The following NELL1 variants were observed in gnomAD, a reference collection of about 807,000 sequenced individuals.
The protein encoded by NELL1 is neural EGFL like 1.
A neutral mutation model predicts 107.4 loss-of-function variants in NELL1; 76 were observed. The observed-to-expected ratio is 0.71, with a 90% CI of 0.59 to 0.86. The LOEUF (loss-of-function observed/expected upper bound fraction) is 0.86. Ranked by LOEUF, NELL1 falls within the 40% of genes least tolerant of loss-of-function variation. NELL1 has a pLI of 0.00. For missense variants in NELL1, 1,024 were observed against 1,005.5 expected, an observed-to-expected ratio of 1.02 and a Z score of -0.25; for synonymous variants, 353 against 341.2, an observed-to-expected ratio of 1.03 and a Z score of -0.38.
At chr11:20,924,866 AG>A (rs1279040874) in intron 7 of NELL1, among the ~76,000 whole-genome samples, 1 of 152,188 alleles carries the variant, frequency 6.6e-6, no homozygotes, top group Non-Finnish European at 1.5e-5. Flanking sequence ...CTTTCTATTG[AG>A]GTTCCACATC....
At chr11:21,491,040 A>G (rs1854793548) in intron 15 of NELL1, among the ~76,000 whole-genome samples, 1 of 152,138 alleles carries the variant, frequency 6.6e-6, no homozygotes, top group Admixed American at 6.6e-5. Context: ...ACTATTTGCA[A>G]ACTGTCTATC....
At chr11:20,993,663 A>G (rs1852026559) in intron 12 of NELL1, among the ~76,000 whole-genome samples, 1 of 152,196 alleles carries the variant, frequency 6.6e-6, no homozygotes, top group Non-Finnish European at 1.5e-5. Flanking sequence ...TGTACTTTAA[A>G]TCATCTCTAG....
At chr11:20,882,223 T>C (rs1336625959) in intron 4 of NELL1, among the ~76,000 whole-genome samples, 1 of 152,252 alleles carries the variant, frequency 6.6e-6, no homozygotes, top group African/African-American at 2.4e-5. Flanking sequence ...TTAGTTTGTG[T>C]TATCAGCATT....
intron 2 of NELL1, among the ~76,000 whole-genome samples, chr11:20,775,122 C>A (rs1856724313): frequency 6.6e-6 from 1 of 151,996 alleles, no homozygotes; most frequent in African/African-American, 2.4e-5. Context: ...TTTTTTCTTA[C>A]AATAACTCTC....
chr11:21,507,455 A>G (rs1322528710), intron 15 of NELL1, among the ~76,000 whole-genome samples: 1 of 152,180 alleles, frequency 6.6e-6, no homozygotes, highest in Admixed American at 6.5e-5. Flanking sequence ...AAATAATTTG[A>G]GTGGAAGAAA....
At chr11:20,993,113 C>G (rs761644111) in intron 12 of NELL1, among the ~76,000 whole-genome samples, 1 of 152,092 alleles carries the variant, frequency 6.6e-6, no homozygotes, top group Non-Finnish European at 1.5e-5. Context: ...CTTTGTATGC[C>G]TGGCAAACTC....
intron 12 of NELL1, among the ~76,000 whole-genome samples, chr11:21,015,274 G>A (rs777448316): frequency 6.6e-5 from 10 of 152,082 alleles, no homozygotes; most frequent in Non-Finnish European, 1.3e-4. Flanking sequence ...TGTGAATGAA[G>A]CAAGGTTGTC....
intron 2 of NELL1, among the ~76,000 whole-genome samples, chr11:20,724,137 C>A (rs1173315832): frequency 6.6e-6 from 1 of 152,230 alleles, no homozygotes; most frequent in East Asian, 1.9e-4. Context: ...CCCTCCTAGG[C>A]CTTGGGCCTG....
rs1276895097 is a variant in NELL1 at position 20,896,274 on chromosome 11, G to A, written c.603+10734G>A. Reference sequence around the variant, plus strand: ...CCTGAGTTGCTTCACTTAGAATAATGGTCTCCAGTTTCATTCAGGTTGCTG... The same window carrying A: ...CCTGAGTTGCTTCACTTAGAATAATAGTCTCCAGTTTCATTCAGGTTGCTG... On this transcript the variant is annotated intron_variant, in intron 5 of 19. Transcript: ENST00000357134. Among the ~76,000 whole-genome samples, 6 of 152,094 alleles carry A rather than the reference G, an allele frequency of 3.9e-5. No homozygotes were observed. In the East Asian group the frequency reaches 1.2e-3, roughly 29 times the overall value.
chr11:21,174,345 C>T (rs981317599), intron 13 of NELL1, among the ~76,000 whole-genome samples: 1 of 151,856 alleles, frequency 6.6e-6, no homozygotes, highest in South Asian at 2.1e-4. Flanking sequence ...AAAACTATGT[C>T]TTCTAACATT....
At chr11:21,228,842 A>T (rs1857967129) in intron 13 of NELL1, among the ~76,000 whole-genome samples, 1 of 150,016 alleles carries the variant, frequency 6.7e-6, no homozygotes, top group African/African-American at 2.5e-5. Flanking sequence ...TAGGCTGGCT[A>T]GTTCTTTGTT....
At chr11:21,047,938 A>G (rs1294946572) in intron 12 of NELL1, among the ~76,000 whole-genome samples, 2 of 152,188 alleles carry the variant, frequency 1.3e-5, no homozygotes, top group African/African-American at 4.8e-5. Flanking sequence ...CATCACGTAG[A>G]AGGTGAATGC....
At chr11:20,886,765 T>C (rs1406648021) in intron 5 of NELL1, among the ~76,000 whole-genome samples, 1 of 152,126 alleles carries the variant, frequency 6.6e-6, no homozygotes, top group African/African-American at 2.4e-5. Flanking sequence ...CAAACCAACA[T>C]GGCACATGTA....
chr11:21,243,726 G>A (rs964600108), intron 14 of NELL1, among the ~76,000 whole-genome samples: 5 of 152,116 alleles, frequency 3.3e-5, no homozygotes, highest in Admixed American at 6.6e-5. Context: ...AAAGATACTA[G>A]ACACAGGTTA....
In NELL1 at chr11:21,511,644, G is replaced by A. The variant is rs370915327; in HGVS notation, c.1646-22730G>A. ...TGGTCAAAGAAAATTTTTTCAGACTGTGGCATTTGAACTGCGAGCTAAATA... is the reference window on the plus strand; with the variant it reads ...TGGTCAAAGAAAATTTTTTCAGACTATGGCATTTGAACTGCGAGCTAAATA... On this transcript the variant is annotated intron_variant, in intron 15 of 19. Coordinates refer to ENST00000357134, the MANE Select transcript of NELL1 (RefSeq NM_006157.5). Among the ~76,000 whole-genome samples the A allele has an allele frequency of 2.6e-5, 4 of 152,310 alleles. No homozygotes were observed. In the South Asian group the frequency reaches 6.2e-4, roughly 24 times the overall value.
At chr11:21,503,393 G>C (rs539936667) in intron 15 of NELL1, among the ~76,000 whole-genome samples, 23 of 152,206 alleles carry the variant, frequency 1.5e-4, no homozygotes, top group Middle Eastern at 3.4e-3. Flanking sequence ...GACGCGCTAG[G>C]ACAAAAATCA....
At chr11:21,389,281 T>C (rs558515690) in intron 15 of NELL1, among the ~76,000 whole-genome samples, 33 of 151,988 alleles carry the variant, frequency 2.2e-4, no homozygotes, top group Non-Finnish European at 1.0e-4. Flanking sequence ...TGTCCATCTA[T>C]GGCAAAATAG....
intron 15 of NELL1, among the ~76,000 whole-genome samples, chr11:21,491,235 C>A (rs1378349287): frequency 1.3e-5 from 2 of 152,098 alleles, no homozygotes; most frequent in Admixed American, 1.3e-4. Context: ...GCTTTTGTTG[C>A]CATTGCTTTT....
chr11:21,035,472 TA>T (rs201070130), intron 12 of NELL1, among the ~76,000 whole-genome samples: 42,525 of 132,850 alleles, frequency 0.32, 6,100 homozygotes, highest in African/African-American at 0.4. Context: ...GCAAAAATCC[TA>T]AAAAAAAAAA....
Sources: allele counts gnomAD v4.1 joint callset (sites outside exome capture counted in the v4.1 genomes callset), GRCh38; gene constraint gnomAD v4.1.1; transcripts MANE v1.5; gene names NCBI Gene and HGNC (gene_info 2026-07-23, HGNC 2026-07-21).